DGKB: variants seen among roughly 807,000 people sequenced by gnomAD.
DGKB encodes the protein diacylglycerol kinase beta, also known as 90 kDa diacylglycerol kinase.
In DGKB, 67 loss-of-function variants were observed where a neutral mutation model predicts 114.3. The ratio of observed to expected loss-of-function variants is 0.59; its 90% confidence interval spans 0.48 to 0.72. The LOEUF is 0.72. Ranked by LOEUF, DGKB falls within the 30% of genes least tolerant of loss-of-function variation. DGKB has a pLI of 0.00. For synonymous variants in DGKB, 398 were observed against 323.1 expected (o/e 1.23, Z -2.49); for missense variants, 907 against 975.2 (o/e 0.93, Z 0.93).
At chr7:14,723,705 A>C (rs960495084) in intron 5 of DGKB, among the ~76,000 whole-genome samples, 1 of 152,196 alleles carries the variant, frequency 6.6e-6, no homozygotes, top group African/African-American at 2.4e-5. Context: ...TCTTGTACTT[A>C]GCATTTATTT....
chr7:14,229,755 C>G (rs991535491), intron 23 of DGKB, among the ~76,000 whole-genome samples: 1 of 151,834 alleles, frequency 6.6e-6, no homozygotes, highest in Admixed American at 6.6e-5. Context: ...AAATCTGTCT[C>G]TAAGCATAAA....
chr7:14,375,215 G>A (rs1468941585), intron 21 of DGKB, among the ~76,000 whole-genome samples: 3 of 152,184 alleles, frequency 2.0e-5, no homozygotes, highest in Admixed American at 2.0e-4. Flanking sequence ...TGAAGGCTGA[G>A]GAAACACCCA....
rs976706871 is a variant in DGKB, at chr7:14,582,244, G to A, written c.1519+808C>T. 4.6e-5 allele frequency among the ~76,000 whole-genome samples: 7 copies of A among 152,088 alleles called. No individual in the cohort carries two copies. In the South Asian group the frequency reaches 8.3e-4, roughly 18 times the overall value. ...GTTTTGGATTTATTTCCTCATAAAG[G>A]CCAATTCATGGTCTCTTTTTCTAAC... On this transcript the variant is annotated intron_variant, in intron 18 of 25. Transcript: ENST00000402815.
chr7:14,753,879 A>C (rs1157800080), intron 4 of DGKB, 49 bp downstream of exon 4: 2 of 1,116,442 alleles, frequency 1.8e-6, no homozygotes, highest in East Asian at 2.6e-5. Context: ...AGATCATATC[A>C]GAATAAAGAA....
intron 23 of DGKB, among the ~76,000 whole-genome samples, chr7:14,183,433 C>T (rs1782929530): frequency 6.6e-6 from 1 of 152,064 alleles, no homozygotes; most frequent in Admixed American, 6.5e-5. Context: ...TTTCAGAGTA[C>T]AAGTATGTAA....
At chr7:14,259,069 G>C (rs747757235) in intron 23 of DGKB, among the ~76,000 whole-genome samples, 9 of 151,880 alleles carry the variant, frequency 5.9e-5, no homozygotes, top group Non-Finnish European at 8.8e-5. Context: ...TGTTGAACAT[G>C]GTTTAAAAAA....
At chr7:14,721,794 T>G (rs1372096741) in intron 5 of DGKB, among the ~76,000 whole-genome samples, 2 of 152,150 alleles carry the variant, frequency 1.3e-5, no homozygotes, top group East Asian at 3.9e-4. Flanking sequence ...AGATAAAATG[T>G]CAAAGACCTT....
intron 20 of DGKB, among the ~76,000 whole-genome samples, chr7:14,567,545 TATAATTATATATTGG>T (rs1207025223): frequency 1.3e-3 from 124 of 94,698 alleles, no homozygotes; most frequent in Non-Finnish European, 1.8e-3. Flanking sequence ...TATAATTATA[TATAATTATATATTGG>T]ATAATTATAT....
chr7:14,344,325 C>G (rs947977460), intron 22 of DGKB, among the ~76,000 whole-genome samples: 6 of 151,302 alleles, frequency 4.0e-5, no homozygotes, highest in Non-Finnish European at 5.9e-5. Flanking sequence ...AAAGGTTACA[C>G]TGAGAGTAGT....
chr7:14,680,843 T>C (rs1820703119), intron 12 of DGKB, among the ~76,000 whole-genome samples: 1 of 151,886 alleles, frequency 6.6e-6, no homozygotes. Flanking sequence ...TTTAGAGGGT[T>C]CAAACTGAGT....
intron 21 of DGKB, among the ~76,000 whole-genome samples, chr7:14,357,753 T>G (rs962125099): frequency 1.3e-5 from 2 of 152,204 alleles, no homozygotes; most frequent in African/African-American, 2.4e-5. Context: ...CCTTTCCGTG[T>G]TTAGTGCTTC....
intron 13 of DGKB, among the ~76,000 whole-genome samples, chr7:14,659,526 C>G (rs1315569023): frequency 2.0e-5 from 3 of 149,138 alleles, no homozygotes; most frequent in African/African-American, 7.5e-5. Flanking sequence ...TGATTTGGCT[C>G]TCTGTTTGTC....
intron 21 of DGKB, among the ~76,000 whole-genome samples, chr7:14,395,611 A>G (rs956538944): frequency 6.6e-6 from 1 of 151,868 alleles, no homozygotes. Flanking sequence ...AATTTCAGAG[A>G]ACTACCATGT....
chr7:14,689,431 A>T (rs2128985836), intron 9 of DGKB, among the ~76,000 whole-genome samples: 1 of 151,910 alleles, frequency 6.6e-6, no homozygotes, highest in Non-Finnish European at 1.5e-5. Flanking sequence ...TCGGCCTCCC[A>T]AAGTGCTGGG....
chr7:14,836,289 C>T (rs1231311064), intron 2 of DGKB, among the ~76,000 whole-genome samples: 1 of 152,164 alleles, frequency 6.6e-6, no homozygotes, highest in Non-Finnish European at 1.5e-5. Flanking sequence ...TTTGCAACTC[C>T]TCACAATGCC....
intron 5 of DGKB, among the ~76,000 whole-genome samples, chr7:14,728,816 C>T (rs1322584762): frequency 2.0e-5 from 3 of 151,822 alleles, no homozygotes; most frequent in Non-Finnish European, 4.4e-5. Context: ...AATTCTCCTG[C>T]CTCAGCCTCC....
chr7:14,601,971 CCTCCTCCTCTTT>C (rs1371790376), intron 17 of DGKB, among the ~76,000 whole-genome samples: 1 of 151,786 alleles, frequency 6.6e-6, no homozygotes, highest in African/African-American at 2.4e-5. Flanking sequence ...ACCTCCTCTT[CCTCCTCCTCTTT>C]CTCCTCCTCC....
At chr7:14,882,600 C>CT (rs1463706705) in intron 1 of DGKB, among the ~76,000 whole-genome samples, 2 of 151,954 alleles carry the variant, frequency 1.3e-5, no homozygotes, top group Non-Finnish European at 2.9e-5. Context: ...CCCATCCCTT[C>CT]TCCCTTCTGA....
intron 10 of DGKB, 47 bp from the exon 11 acceptor site, chr7:14,682,888 T>C (rs1044746106): frequency 2.2e-6 from 3 of 1,349,874 alleles, no homozygotes; most frequent in Non-Finnish European, 3.1e-6. Context: ...CTGGTCCTGG[T>C]TGTAATTTTA....
Sources: gnomAD v4.1 joint callset for allele counts (sites outside exome capture counted in the v4.1 genomes callset) on GRCh38, gnomAD v4.1.1 for gene constraint, MANE v1.5 for transcripts, NCBI Gene and HGNC (gene_info 2026-07-23, HGNC 2026-07-21) for gene names.